Variants in TENT4A observed in about 807,000 individuals in gnomAD.
TENT4A encodes the protein terminal nucleotidyltransferase 4A.
A neutral mutation model predicts 72.8 loss-of-function variants in TENT4A; 7 were observed. The observed-to-expected ratio is 0.10, with a 90% CI of 0.05 to 0.18. The LOEUF (loss-of-function observed/expected upper bound fraction) is 0.18, where lower values mean the gene tolerates loss of function less well. TENT4A is among the 10% of genes least tolerant of loss of function. TENT4A has a pLI of 1.00. For missense variants in TENT4A, 831 were observed against 1,017.7 expected, an observed-to-expected ratio of 0.82 and a Z score of 2.50; for synonymous variants, 456 against 434.3, an observed-to-expected ratio of 1.05 and a Z score of -0.62.
At chr5:6,745,988 C>A in intron 6 of TENT4A, 1 of 1,361,612 alleles carries the variant, frequency 7.3e-7, no homozygotes, top group Non-Finnish European at 9.4e-7. Context: ...TTACCAATTT[C>A]AAAAATCAAA....
At position 6,716,129 on chromosome 5, in the gene TENT4A, A is replaced by G. The variant is rs1471248206; in HGVS notation, c.716+1430A>G. On this transcript the variant is annotated intron_variant, in intron 1 of 12. Transcript: ENST00000230859. ...TGCTCTTAGAAAGTGGTAGCGCATCAGGTCCCATGCACCTCACTTGGGCTC... is the reference window on the plus strand; with the variant it reads ...TGCTCTTAGAAAGTGGTAGCGCATCGGGTCCCATGCACCTCACTTGGGCTC... Among the ~76,000 whole-genome samples, 3 of 152,192 alleles carry G rather than the reference A, an allele frequency of 2.0e-5. No individual in the cohort carries two copies. In the South Asian group the frequency reaches 6.2e-4, roughly 32 times the overall value.
intron 1 of TENT4A, among the ~76,000 whole-genome samples, chr5:6,733,642 A>T (rs534018422): frequency 6.6e-6 from 1 of 152,358 alleles, no homozygotes; most frequent in African/African-American, 2.4e-5. Flanking sequence ...AGAACATAAG[A>T]CTAAACTTAT....
At chr5:6,748,707 A>C in intron 8 of TENT4A, 117 bp downstream of exon 8, 1 of 1,099,738 alleles carries the variant, frequency 9.1e-7, no homozygotes, top group Admixed American at 1.9e-5. Flanking sequence ...GTATTTCAGT[A>C]GAATCTAGAT....
chr5:6,746,937 C>T (rs28381396), intron 7 of TENT4A, among the ~76,000 whole-genome samples: 2,851 of 152,280 alleles, frequency 0.019, 36 homozygotes, highest in South Asian at 0.049. Flanking sequence ...TGAGGATTGC[C>T]GCATTGAAGA....
At chr5:6,750,575 C>G in intron 10 of TENT4A, 72 bp downstream of exon 10, 1 of 1,356,460 alleles carries the variant, frequency 7.4e-7, no homozygotes, top group Admixed American at 2.5e-5. Flanking sequence ...TAGCCGCGAG[C>G]TTAAAATCTC....
chr5:6,740,322 T>G (rs1407509832), intron 4 of TENT4A, among the ~76,000 whole-genome samples: 1 of 152,210 alleles, frequency 6.6e-6, no homozygotes, highest in African/African-American at 2.4e-5. Flanking sequence ...AAAAGCCTTT[T>G]ATCTTTGGGG....
intron 9 of TENT4A, 70 bp downstream of exon 9, chr5:6,749,727 C>A: frequency 1.0e-6 from 1 of 1,000,900 alleles, no homozygotes; most frequent in Non-Finnish European, 1.6e-6. Flanking sequence ...TGTCTCTATT[C>A]CTTTGTGGTA....
intron 1 of TENT4A, among the ~76,000 whole-genome samples, chr5:6,720,044 T>C (rs1740568268): frequency 6.6e-6 from 1 of 152,214 alleles, no homozygotes; most frequent in Admixed American, 6.5e-5. Context: ...GATTGCTTGC[T>C]AGCTGCCAGC....
chr5:6,716,923 C>T (rs1272451710), intron 1 of TENT4A, among the ~76,000 whole-genome samples: 2 of 152,220 alleles, frequency 1.3e-5, no homozygotes, highest in Admixed American at 6.5e-5. Context: ...TGGGTGCATC[C>T]GCTTCCTGCC....
intron 6 of TENT4A, among the ~76,000 whole-genome samples, chr5:6,745,725 T>C (rs1742051686): frequency 6.6e-6 from 1 of 152,284 alleles, no homozygotes; most frequent in Non-Finnish European, 1.5e-5. Flanking sequence ...ATAAATATTG[T>C]GATATAATGC....
In TENT4A at chr5:6,713,953, G is replaced by C; in HGVS notation, c.-31G>C. 1.1e-6 allele frequency: 1 copy of C among 921,172 alleles called. No individual in the cohort carries two copies. Among genetic ancestry groups the C allele is most frequent in the Non-Finnish European group, 1.3e-6 (1 of 774,562 alleles). 57.1% of individuals were successfully genotyped at this position (921,172 alleles called of 1,614,324 possible). A position where few individuals can be genotyped will look rare whatever the true frequency, so the allele number is the denominator to read the frequency against. ...GGGCGGGGCCGCGTCGGGGCGGGCG[G>C]GCGCGCGGGCCCCGCGGGGGCGGCG... On this transcript the variant is annotated 5_prime_UTR_variant, in exon 1 of 13. Transcript: ENST00000230859.
intron 8 of TENT4A, 128 bp downstream of exon 8, chr5:6,748,718 AT>A (rs1484705310): frequency 5.0e-6 from 5 of 990,680 alleles, no homozygotes; most frequent in Non-Finnish European, 7.5e-6. Flanking sequence ...GAATCTAGAT[AT>A]GTTGGTGAAG....
At chr5:6,737,223 T>C (rs1741556020) in intron 1 of TENT4A, among the ~76,000 whole-genome samples, 1 of 152,248 alleles carries the variant, frequency 6.6e-6, no homozygotes, top group Non-Finnish European at 1.5e-5. Context: ...AATTCTCTCA[T>C]TTTTTCAATA....
chr5:6,750,888 A>G (rs910519071), intron 10 of TENT4A, 151 bp from the exon 11 acceptor site: 7 of 692,852 alleles, frequency 1.0e-5, no homozygotes, highest in Admixed American at 2.5e-5. Context: ...AAGCCTGGGT[A>G]GGTTTGGGCT....
At chr5:6,750,078 G>T (rs2126655208) in intron 9 of TENT4A, among the ~76,000 whole-genome samples, 1 of 152,294 alleles carries the variant, frequency 6.6e-6, no homozygotes, top group South Asian at 2.1e-4. Flanking sequence ...AAAAATACTT[G>T]ATCTATATTT....
rs1206580155 is a variant in TENT4A, at chr5:6,714,211, C to T, written c.228C>T (p.Pro76=). The change falls in exon 1 of 13, where the codon CCC becomes CCT. Residue 76 remains proline (P), a synonymous_variant. Transcript: ENST00000230859. ...PALPAASPPP[P]GPTAPAALPP... is the part of the protein sequence containing the mutation. ...TGCCCGCCGCGTCGCCCCCGCCGCC[C>T]GGCCCCACCGCGCCCGCCGCGCTGC... 1.7e-5 allele frequency: 17 copies of T among 973,400 alleles called. No homozygotes were observed. Among genetic ancestry groups the T allele is most frequent in the South Asian group, 4.7e-5 (1 of 21,300 alleles). The allele number at this position is 973,400 out of a possible 1,614,324, so 60.3% of individuals were successfully genotyped here.
intron 8 of TENT4A, 63 bp from the exon 9 acceptor site, chr5:6,749,494 A>G (rs1742279310): frequency 2.0e-6 from 2 of 1,012,688 alleles, no homozygotes; most frequent in East Asian, 2.4e-5. Context: ...GCTGTTCGAG[A>G]GGGGTTCTCA....
chr5:6,722,467 GAA>G (rs1182530353), intron 1 of TENT4A, among the ~76,000 whole-genome samples: 1 of 151,610 alleles, frequency 6.6e-6, no homozygotes, highest in Non-Finnish European at 1.5e-5. Flanking sequence ...GTTGTGAATT[GAA>G]AGATACCTTT....
chr5:6,753,437 C>T (rs1742521605), intron 12 of TENT4A, among the ~76,000 whole-genome samples: 3 of 152,240 alleles, frequency 2.0e-5, no homozygotes, highest in Admixed American at 2.0e-4. Flanking sequence ...CTGTCATTCC[C>T]ACGTTGCCTG....
Sources: gnomAD v4.1 joint callset for allele counts (sites outside exome capture counted in the v4.1 genomes callset) on GRCh38, gnomAD v4.1.1 for gene constraint, MANE v1.5 for transcripts, NCBI Gene and HGNC (gene_info 2026-07-23, HGNC 2026-07-21) for gene names.